KCNB2: variants seen among roughly 807,000 people sequenced by gnomAD.
KCNB2 encodes potassium voltage-gated channel subfamily B member 2.
In KCNB2, 15 loss-of-function variants were observed where a neutral mutation model predicts 61.5. The observed-to-expected ratio is 0.24, with a 90% confidence interval of 0.16 to 0.38. The LOEUF (loss-of-function observed/expected upper bound fraction) is 0.38. KCNB2 is among the 10% of genes least tolerant of loss of function. The pLI, the probability that KCNB2 is intolerant of heterozygous loss-of-function variation, is 1.00. For synonymous variants in KCNB2, 457 were observed against 446.0 expected, an observed-to-expected ratio of 1.02 and a Z score of -0.31; for missense variants, 828 against 1,125.2, an observed-to-expected ratio of 0.74 and a Z score of 3.78.
At chr8:72,714,250 A>C (rs1313038052) in intron 2 of KCNB2, among the ~76,000 whole-genome samples, 1 of 152,226 alleles carries the variant, frequency 6.6e-6, no homozygotes, top group Non-Finnish European at 1.5e-5. Flanking sequence ...GATATTATCC[A>C]GGAGAACTTC....
At chr8:72,682,094 A>C (rs1370137302) in intron 2 of KCNB2, among the ~76,000 whole-genome samples, 3 of 152,214 alleles carry the variant, frequency 2.0e-5, no homozygotes, top group Non-Finnish European at 4.4e-5. Context: ...TGTTCCTGAG[A>C]TAGCATGTTA....
intron 2 of KCNB2, among the ~76,000 whole-genome samples, chr8:72,839,229 A>G (rs369421358): frequency 6.6e-6 from 1 of 152,246 alleles, no homozygotes; most frequent in East Asian, 1.9e-4. Context: ...TATTTTCTAC[A>G]TTTCTATGTA....
In KCNB2 at chr8:72,680,368, C is replaced by T. The variant is rs142045680; in HGVS notation, c.579+112055C>T. Among the ~76,000 whole-genome samples the T allele has an allele frequency of 3.5e-4, 53 of 152,264 alleles. No individual in the cohort carries two copies. The East Asian group carries it at 5.2e-3, about 15-fold the overall frequency. On this transcript the variant is annotated intron_variant, in intron 2 of 2. Transcript: ENST00000523207. ...GTACATGGGGCAATGCACATCTTAC[C>T]TTCTCACTTGGCCCTAAATGCTGGA...
intron 2 of KCNB2, among the ~76,000 whole-genome samples, chr8:72,882,973 C>T (rs1805742740): frequency 6.6e-6 from 1 of 152,170 alleles, no homozygotes; most frequent in South Asian, 2.1e-4. Flanking sequence ...TATCTGCCTT[C>T]TCCAGGCCCT....
Position 72,842,543 on chromosome 8 carries a change from G to A in KCNB2, c.580-93392G>A, listed in dbSNP as rs186646595. ...CCTCTTTGTACCTGTGGTAGAATTCGGCTGTGAATCTTCCTGGTCCTGGCC... is the reference window on the plus strand; with the variant it reads ...CCTCTTTGTACCTGTGGTAGAATTCAGCTGTGAATCTTCCTGGTCCTGGCC... On this transcript the variant is annotated intron_variant, in intron 2 of 2. Coordinates refer to ENST00000523207, the MANE Select transcript of KCNB2 (RefSeq NM_004770.3). 3.2e-3 allele frequency among the ~76,000 whole-genome samples: 491 copies of A among 152,246 alleles called. 11 individuals carry two copies. The highest frequency in any genetic ancestry group is 2.4e-4 in the Non-Finnish European group (16 of 68,010).
chr8:72,537,317 C>A lies in KCNB2; in HGVS notation c.-662C>A. On this transcript the variant is annotated 5_prime_UTR_variant, in exon 1 of 3. Transcript: ENST00000523207. ...CTAGCCTCCCGCGCGCAGCCTCTAC[C>A]CTGCTCCGCCACAGACACACACCCA... 1 of 152,422 alleles carries A rather than the reference C, an allele frequency of 6.6e-6. No individual in the cohort carries two copies. Among genetic ancestry groups the A allele is most frequent in the South Asian group, 1.8e-4 (1 of 5,574 alleles). 9.4% of individuals were successfully genotyped at this position (152,422 alleles called of 1,614,324 possible).
chr8:72,727,825 C>A (rs1425094667), intron 2 of KCNB2, among the ~76,000 whole-genome samples: 2 of 152,176 alleles, frequency 1.3e-5, no homozygotes, highest in African/African-American at 4.8e-5. Flanking sequence ...AGGAAATAGA[C>A]TTGCTAGTAT....
intron 2 of KCNB2, among the ~76,000 whole-genome samples, chr8:72,733,917 G>T (rs1013375427): frequency 6.6e-6 from 1 of 152,102 alleles, no homozygotes; most frequent in Non-Finnish European, 1.5e-5. Context: ...GGCTATTTTT[G>T]TCAGCCCAGC....
At chr8:72,576,809 C>G (rs963909483) in intron 2 of KCNB2, among the ~76,000 whole-genome samples, 1 of 152,208 alleles carries the variant, frequency 6.6e-6, no homozygotes, top group East Asian at 1.9e-4. Context: ...ACTGAGACTT[C>G]TCTGCAATTG....
intron 2 of KCNB2, among the ~76,000 whole-genome samples, chr8:72,778,792 GA>G (rs1808707996): frequency 1.5e-5 from 1 of 67,148 alleles, no homozygotes; most frequent in African/African-American, 5.6e-5. Context: ...GAAAAGAAAA[GA>G]AAAAGAAAAA....
At chr8:72,921,495 A>G (rs1201930999) in intron 2 of KCNB2, among the ~76,000 whole-genome samples, 2 of 152,198 alleles carry the variant, frequency 1.3e-5, no homozygotes, top group Non-Finnish European at 2.9e-5. Context: ...TCGGATGTAA[A>G]CATGGGTTTA....
At chr8:72,582,391 C>T (rs1563529660) in intron 2 of KCNB2, among the ~76,000 whole-genome samples, 1 of 152,198 alleles carries the variant, frequency 6.6e-6, no homozygotes, top group Non-Finnish European at 1.5e-5. Context: ...TCAGATGTTG[C>T]ACTTCCAGCA....
At chr8:72,746,465 G>A (rs948492590) in intron 2 of KCNB2, among the ~76,000 whole-genome samples, 1 of 152,080 alleles carries the variant, frequency 6.6e-6, no homozygotes, top group African/African-American at 2.4e-5. Flanking sequence ...CTAAAGAAAA[G>A]ACACCAACAA....
chr8:72,667,797 A>C (rs978138921), intron 2 of KCNB2, among the ~76,000 whole-genome samples: 1 of 152,214 alleles, frequency 6.6e-6, no homozygotes, highest in Non-Finnish European at 1.5e-5. Context: ...GATGTAAATC[A>C]GATGTCACCC....
intron 2 of KCNB2, chr8:72,874,880 C>A (rs1405609494): frequency 6.6e-6 from 1 of 152,206 alleles, no homozygotes; most frequent in African/African-American, 2.4e-5. Flanking sequence ...AGCATCCTCA[C>A]CCTCTCTTTC....
At chr8:72,770,507 A>C (rs1808540160) in intron 2 of KCNB2, among the ~76,000 whole-genome samples, 1 of 152,216 alleles carries the variant, frequency 6.6e-6, no homozygotes, top group South Asian at 2.1e-4. Flanking sequence ...ATTAGCAGTG[A>C]GGAGGGTAGC....
chr8:72,852,086 T>A (rs1185081155), intron 2 of KCNB2, among the ~76,000 whole-genome samples: 2 of 139,236 alleles, frequency 1.4e-5, no homozygotes, highest in South Asian at 2.3e-4. Context: ...ATTTAAAAAA[T>A]AAAAAATAAA....
chr8:72,907,950 C>A (rs146125485), intron 2 of KCNB2, among the ~76,000 whole-genome samples: 8 of 152,188 alleles, frequency 5.3e-5, no homozygotes, highest in Non-Finnish European at 5.9e-5. Flanking sequence ...CACTTGTCTA[C>A]AAGAACTGTC....
chr8:72,751,954 G>C (rs2128995746), intron 2 of KCNB2: 1 of 152,370 alleles, frequency 6.6e-6, no homozygotes, highest in East Asian at 1.9e-4. Context: ...GTCTTCTTTA[G>C]ACAGAGCGAG....
Sources: gnomAD v4.1 joint callset for allele counts (sites outside exome capture counted in the v4.1 genomes callset) on GRCh38, gnomAD v4.1.1 for gene constraint, MANE v1.5 for transcripts, NCBI Gene and HGNC (gene_info 2026-07-23, HGNC 2026-07-21) for gene names.